Variants in TNFRSF9 observed in about 807,000 individuals in gnomAD.
TNFRSF9 encodes the protein TNF receptor superfamily member 9, also known as tumor necrosis factor receptor superfamily member 9.
In TNFRSF9, 16 loss-of-function variants were observed where a neutral mutation model predicts 28.8. The ratio of observed to expected loss-of-function variants is 0.55; its 90% CI spans 0.38 to 0.84. The LOEUF (loss-of-function observed/expected upper bound fraction) is 0.84, where lower values mean the gene tolerates loss of function less well. TNFRSF9 is among the 40% of genes least tolerant of loss of function. TNFRSF9 has a pLI of 0.00. For missense variants in TNFRSF9, 303 were observed against 315.0 expected (o/e 0.96, Z 0.29); for synonymous variants, 131 against 117.0 (o/e 1.12, Z -0.77).
rs1639541292 is a variant in TNFRSF9 at position 7,920,481 on chromosome 1, C to T, written c.*354G>A. 1 of 198,628 alleles carries T rather than the reference C, an allele frequency of 5.0e-6. No homozygotes were observed. Among genetic ancestry groups the T allele is most frequent in the African/African-American group, 2.4e-5 (1 of 42,116 alleles). 12.3% of individuals were successfully genotyped at this position (198,628 alleles called of 1,614,324 possible). A position where few individuals can be genotyped will look rare whatever the true frequency, so the allele number is the denominator to read the frequency against. ...ACAACATGGTGAAATGCCATCTTTA[C>T]CAAACAAAAAACAAAAAAGTTAGTC... On this transcript the variant is annotated 3_prime_UTR_variant, in exon 8 of 8. Coordinates refer to ENST00000377507, the MANE Select transcript of TNFRSF9 (RefSeq NM_001561.6).
chr1:7,921,595 G>A (rs561381249), intron 7 of TNFRSF9, among the ~76,000 whole-genome samples: 17 of 152,008 alleles, frequency 1.1e-4, no homozygotes, highest in Non-Finnish European at 2.5e-4. Flanking sequence ...CTGAACCTGG[G>A]AGGTGGAGGT....
intron 7 of TNFRSF9, among the ~76,000 whole-genome samples, chr1:7,926,505 C>T (rs995904991): frequency 3.3e-5 from 5 of 152,048 alleles, no homozygotes; most frequent in Admixed American, 6.6e-5. Flanking sequence ...TCAATTTGCC[C>T]GAAACTGATA....
chr1:7,930,154 A>G (rs1002924444), intron 7 of TNFRSF9, among the ~76,000 whole-genome samples: 2 of 151,868 alleles, frequency 1.3e-5, no homozygotes, highest in African/African-American at 2.4e-5. Context: ...TATTTTTAGT[A>G]GAGACGGGGT....
Position 7,917,965 on chromosome 1 carries a change from T to TAG in TNFRSF9, c.*2869_*2870insCT, listed in dbSNP as rs923463942. On this transcript the variant is annotated 3_prime_UTR_variant, in exon 8 of 8. Coordinates refer to ENST00000377507, the MANE Select transcript of TNFRSF9 (RefSeq NM_001561.6). ...AAATAAATTACAAAGGATATATATA[T>TAG]ATATATATATAGATATAGATAGATA... 1 of 134,158 alleles carries TAG rather than the reference T, an allele frequency of 7.5e-6. No homozygotes were observed. The highest frequency in any genetic ancestry group is 1.5e-5 in the Non-Finnish European group (1 of 67,510). 8.3% of individuals were successfully genotyped at this position (134,158 alleles called of 1,614,324 possible). A position where few individuals can be genotyped will look rare whatever the true frequency, so the allele number is the denominator to read the frequency against.
At chr1:7,937,304 C>T (rs1226418116) in intron 5 of TNFRSF9, among the ~76,000 whole-genome samples, 5 of 152,244 alleles carry the variant, frequency 3.3e-5, no homozygotes, top group African/African-American at 1.2e-4. Flanking sequence ...ATAGCTGGGA[C>T]CACAGGCATG....
intron 2 of TNFRSF9, among the ~76,000 whole-genome samples, chr1:7,939,282 T>C (rs751444910): frequency 3.2e-4 from 46 of 143,982 alleles, no homozygotes; most frequent in Non-Finnish European, 6.4e-4. Flanking sequence ...ATCGTGCCAC[T>C]GCACTCCAGC....
At chr1:7,935,621 T>C (rs897003419) in intron 5 of TNFRSF9, among the ~76,000 whole-genome samples, 2 of 152,140 alleles carry the variant, frequency 1.3e-5, no homozygotes, top group Admixed American at 1.3e-4. Context: ...AGACCAGGCG[T>C]TGGAGACCAG....
intron 7 of TNFRSF9, among the ~76,000 whole-genome samples, chr1:7,931,184 G>C (rs182664692): frequency 6.6e-6 from 1 of 152,124 alleles, no homozygotes; most frequent in Non-Finnish European, 1.5e-5. Flanking sequence ...GTGTAAATGG[G>C]GTCCAATCAT....
rs748890197 is a variant in TNFRSF9 at position 7,933,248 on chromosome 1, G to A, written c.593C>T (p.Ala198Val). 9 of 1,613,808 alleles carry A rather than the reference G, an allele frequency of 5.6e-6. No homozygotes were observed. Among genetic ancestry groups the A allele is most frequent in the African/African-American group, 2.7e-5 (2 of 74,898 alleles). Residue 198 changes from alanine to valine, a missense_variant, in exon 7 of 8, where the codon GCG becomes GTG. Ala to Val is a moderately conservative substitution (Grantham distance 64). Transcript: ENST00000377507. ...ISFFLALTST[A>V]LLFLLFFLTL... ...GAGGAAGAACAGCAGGAAGAGCAAC[G>A]CAGTCGACGTCAGCGCAAGAAAGAA...
intron 7 of TNFRSF9, among the ~76,000 whole-genome samples, chr1:7,924,294 CATATATATATATATATATATATATATAT>C (rs58569630): frequency 1.5e-5 from 2 of 129,990 alleles, no homozygotes; most frequent in African/African-American, 2.9e-5. Flanking sequence ...TAGTATATTC[CATATATATATATATATATATATATATAT>C]ATATATATAT....
Position 7,939,895 on chromosome 1 carries a change from C to T in TNFRSF9, c.100G>A (p.Gly34Ser), listed in dbSNP as rs201012166. Residue 34 changes from glycine to serine, a missense_variant and splice_region_variant, in exon 2 of 8, where the codon GGT becomes AGT. By Grantham distance (56) the Gly-to-Ser change is moderately conservative. Transcript: ENST00000377507. ...ATGCACATGATAACTGGGTACTCAC[C>T]AGCTGGGCAGTTACTACAAGGATCC... Reference protein sequence around the residue: ...LQDPCSNCPAGTFCDNNRNQI... With the variant: ...LQDPCSNCPASTFCDNNRNQI... The T allele has an allele frequency of 1.1e-5, 17 of 1,592,570 alleles. No homozygotes were observed. The highest frequency in any genetic ancestry group is 6.7e-5 in the Admixed American group (4 of 59,762).
Position 7,935,157 on chromosome 1 carries a change from A to G in TNFRSF9, c.414-14T>C. 6.2e-7 allele frequency: 1 copy of G among 1,607,836 alleles called. No individual in the cohort carries two copies. Among genetic ancestry groups the G allele is most frequent in the Non-Finnish European group, 8.5e-7 (1 of 1,178,302 alleles). On this transcript the variant is annotated splice_polypyrimidine_tract_variant and intron_variant, in intron 5 of 7. Coordinates refer to ENST00000377507, the MANE Select transcript of TNFRSF9 (RefSeq NM_001561.6). ...TCCAAAGAACAGCTTAGACAGTTCA[A>G]TGAAAATAATTTAAATAATTAACTT...
At chr1:7,927,062 TA>T (rs71567330) in intron 7 of TNFRSF9, among the ~76,000 whole-genome samples, 8 of 148,052 alleles carry the variant, frequency 5.4e-5, no homozygotes, top group Admixed American at 1.4e-4. Context: ...TGTCTCAAAA[TA>T]AAAAAAAAAA....
chr1:7,929,770 G>C (rs2151416017), intron 7 of TNFRSF9, among the ~76,000 whole-genome samples: 1 of 152,088 alleles, frequency 6.6e-6, no homozygotes, highest in African/African-American at 2.4e-5. Context: ...TTATTGTGCT[G>C]GTTGTTATAC....
chr1:7,926,521 A>T (rs1004780883), intron 7 of TNFRSF9, among the ~76,000 whole-genome samples: 2 of 152,248 alleles, frequency 1.3e-5, no homozygotes, highest in South Asian at 4.1e-4. Context: ...TGATATGCAG[A>T]TTTAACACAA....
At chr1:7,924,588 T>C (rs1198754612) in intron 7 of TNFRSF9, among the ~76,000 whole-genome samples, 2 of 151,698 alleles carry the variant, frequency 1.3e-5, no homozygotes, top group Non-Finnish European at 1.5e-5. Flanking sequence ...GACCGCCCCA[T>C]TGCACTCCAG....
chr1:7,933,370 T>C (rs1273314809), intron 6 of TNFRSF9, 74 bp from the exon 7 acceptor site: 15 of 1,487,914 alleles, frequency 1.0e-5, no homozygotes, highest in East Asian at 4.9e-5. Context: ...TATATTTACA[T>C]TGGTAAATTT....
In TNFRSF9 at chr1:7,919,903, T is replaced by A. The variant is rs1639531932; in HGVS notation, c.*932A>T. The A allele has an allele frequency of 6.6e-6, 1 of 152,314 alleles. No individual in the cohort carries two copies. The highest frequency in any genetic ancestry group is 1.5e-5 in the Non-Finnish European group (1 of 68,054). 9.4% of individuals were successfully genotyped at this position (152,314 alleles called of 1,614,324 possible). ...AAAATATTATGTTAAAAGTTAAGAA[T>A]TTTTAGAATGTAACCTGGCTTAAAA... On this transcript the variant is annotated 3_prime_UTR_variant, in exon 8 of 8. Coordinates refer to ENST00000377507, the MANE Select transcript of TNFRSF9 (RefSeq NM_001561.6).
At chr1:7,940,117 C>T (rs1165670911) in intron 1 of TNFRSF9, 39 bp from the exon 2 acceptor site, 5 of 645,888 alleles carry the variant, frequency 7.7e-6, no homozygotes, top group Non-Finnish European at 1.3e-5. Flanking sequence ...GGTGGTTTCT[C>T]CTTTCAAAAT....
Sources: gnomAD v4.1 joint callset for allele counts (sites outside exome capture counted in the v4.1 genomes callset) on GRCh38, gnomAD v4.1.1 for gene constraint, MANE v1.5 for transcripts, NCBI Gene and HGNC (gene_info 2026-07-23, HGNC 2026-07-21) for gene names.